Variants in PRRG1 observed in about 807,000 individuals in gnomAD.
The protein encoded by PRRG1 is proline rich and Gla domain 1, also known as transmembrane gamma-carboxyglutamic acid protein 1.
A neutral mutation model predicts 11.8 loss-of-function variants in PRRG1; 5 were observed. That is an observed-to-expected ratio of 0.42 (90% CI 0.22 to 0.89). The LOEUF is 0.89. Among genes scored for constraint, PRRG1 ranks in the 40% least tolerant of loss-of-function variants. The pLI, the probability that PRRG1 is intolerant of heterozygous loss-of-function variation, is 0.28. For synonymous variants in PRRG1, 66 were observed against 60.4 expected, an observed-to-expected ratio of 1.09 and a Z score of -0.43; for missense variants, 155 against 166.1, an observed-to-expected ratio of 0.93 and a Z score of 0.37.
intron 1 of PRRG1, among the ~76,000 whole-genome samples, chrX:37,392,069 C>A (rs1309446707): frequency 1.8e-5 from 2 of 110,291 alleles, no homozygotes; most frequent in African/African-American, 6.6e-5. Flanking sequence ...TAATGGCTGG[C>A]TGCCAGTTTT....
intron 2 of PRRG1, among the ~76,000 whole-genome samples, chrX:37,421,797 C>T (rs1932667364): frequency 8.9e-6 from 1 of 112,162 alleles, no homozygotes; most frequent in Non-Finnish European, 1.9e-5. Context: ...CTTTGATGAG[C>T]ACTGGCAAAT....
In PRRG1 at chrX:37,412,791, C is replaced by T. The variant is rs191158575; in HGVS notation, c.10+6532C>T. On this transcript the variant is annotated intron_variant, in intron 2 of 3. Coordinates refer to ENST00000378628, the MANE Select transcript of PRRG1 (RefSeq NM_001142395.2). ...TTGATGCAATCCTCTCTGCCATTTA[C>T]TTATTAAAGAAGAAAATAACCTTTG... 3.2e-4 allele frequency among the ~76,000 whole-genome samples: 35 copies of T among 110,637 alleles called. No homozygotes were observed. The East Asian group carries it at 8.7e-3, about 28-fold the overall frequency.
intron 1 of PRRG1, among the ~76,000 whole-genome samples, chrX:37,389,310 A>G (rs1235985187): frequency 1.8e-5 from 2 of 111,994 alleles, no homozygotes; most frequent in Non-Finnish European, 3.8e-5. Flanking sequence ...ATTTTTAGGT[A>G]TCTTTATAGC....
chrX:37,380,442 T>C (rs1556373513), intron 1 of PRRG1, among the ~76,000 whole-genome samples: 1 of 111,791 alleles, frequency 8.9e-6, no homozygotes, highest in African/African-American at 3.2e-5. Flanking sequence ...AATGTGGTAC[T>C]ACAGGTTATA....
At chrX:37,368,404 C>A (rs1201244422) in intron 1 of PRRG1, among the ~76,000 whole-genome samples, 2 of 111,372 alleles carry the variant, frequency 1.8e-5, no homozygotes, top group Non-Finnish European at 3.8e-5. Context: ...ATTGAATTGA[C>A]CCTTTTATCA....
intron 1 of PRRG1, among the ~76,000 whole-genome samples, chrX:37,369,534 TA>T (rs1556370275): frequency 8.9e-6 from 1 of 112,106 alleles, no homozygotes; most frequent in African/African-American, 3.2e-5. Context: ...ACATTGTTAT[TA>T]ACTACAGTCA....
chrX:37,397,977 A>AACACACACACACAC (rs782125904), intron 1 of PRRG1, among the ~76,000 whole-genome samples: 8 of 84,004 alleles, frequency 9.5e-5, no homozygotes, highest in Non-Finnish European at 1.1e-4. Flanking sequence ...TATAAAAACT[A>AACACACACACACAC]ACACACACAC....
intron 2 of PRRG1, among the ~76,000 whole-genome samples, chrX:37,415,266 G>A (rs189756374): frequency 1.5e-3 from 162 of 111,144 alleles, no homozygotes; most frequent in African/African-American, 4.7e-3. Context: ...AAAATTACCC[G>A]CGCACGGTGG....
intron 2 of PRRG1, among the ~76,000 whole-genome samples, chrX:37,418,089 G>A (rs781817452): frequency 2.7e-5 from 3 of 112,270 alleles, no homozygotes; most frequent in African/African-American, 6.5e-5. Flanking sequence ...TAGGAAACAC[G>A]TTCAGATAAA....
At chrX:37,407,366 G>A (rs1042711100) in intron 2 of PRRG1, among the ~76,000 whole-genome samples, 2 of 112,160 alleles carry the variant, frequency 1.8e-5, no homozygotes. Flanking sequence ...TGTCTCCCAA[G>A]GCTTAAAGTG....
At chrX:37,376,251 G>A (rs2046932190) in intron 1 of PRRG1, among the ~76,000 whole-genome samples, 1 of 107,901 alleles carries the variant, frequency 9.3e-6, no homozygotes, top group African/African-American at 3.4e-5. Context: ...GGACTACATC[G>A]ATTTTTTTTT....
chrX:37,441,287 C>G (rs956474273), intron 3 of PRRG1: 1 of 759,194 alleles, frequency 1.3e-6, no homozygotes, highest in African/African-American at 2.3e-5. Flanking sequence ...AGAAATGTTA[C>G]TGCAAAACTA....
intron 1 of PRRG1, among the ~76,000 whole-genome samples, chrX:37,382,114 G>C (rs1931170045): frequency 9.0e-6 from 1 of 111,476 alleles, no homozygotes; most frequent in South Asian, 3.7e-4. Flanking sequence ...GTATTGCCTG[G>C]TCGGAATCAA....
rs183196297 is a variant in PRRG1, at chrX:37,372,777, T to C, written c.-42+23382T>C. Among the ~76,000 whole-genome samples, 73 of 113,060 alleles carry C rather than the reference T, an allele frequency of 6.5e-4. 1 individual carries two copies. The East Asian group carries it at 0.019, about 30-fold the overall frequency. ...ATTCTGTTTATTGTTCCCTTGGCTG[T>C]CCAGAAACTTTTTAGTTTGATGAAA... On this transcript the variant is annotated intron_variant, in intron 1 of 3. Transcript: ENST00000378628.
chrX:37,424,545 C>A (rs1460967323), intron 2 of PRRG1, among the ~76,000 whole-genome samples: 1 of 110,820 alleles, frequency 9.0e-6, no homozygotes, highest in African/African-American at 3.3e-5. Flanking sequence ...TTTTAAAGTT[C>A]TAATGATATT....
intron 1 of PRRG1, among the ~76,000 whole-genome samples, chrX:37,376,915 GA>G (rs782097788): frequency 2.7e-5 from 3 of 109,353 alleles, no homozygotes; most frequent in African/African-American, 9.9e-5. Context: ...ACCTAGTTAG[GA>G]CTTTTTTGAG....
chrX:37,434,313 T>C (rs1197398790), intron 3 of PRRG1, among the ~76,000 whole-genome samples: 3 of 111,897 alleles, frequency 2.7e-5, no homozygotes, highest in Admixed American at 9.5e-5. Flanking sequence ...AGAAAATGGG[T>C]CAGATTTATT....
Position 37,417,171 on chromosome X carries a change from C to A in PRRG1, c.11-8669C>A, listed in dbSNP as rs926985352. Among the ~76,000 whole-genome samples, 3 of 111,228 alleles carry A rather than the reference C, an allele frequency of 2.7e-5. No individual in the cohort carries two copies. In the East Asian group the frequency reaches 8.4e-4, roughly 31 times the overall value. On this transcript the variant is annotated intron_variant, in intron 2 of 3. Transcript: ENST00000378628. ...ATTTCATTGTATGCCTCTGGTACTACAGATTTGTTTAAGTTTTAGGTAATG... is the reference window on the plus strand; with the variant it reads ...ATTTCATTGTATGCCTCTGGTACTAAAGATTTGTTTAAGTTTTAGGTAATG...
intron 2 of PRRG1, among the ~76,000 whole-genome samples, chrX:37,417,108 A>G (rs1556385415): frequency 9.0e-6 from 1 of 111,332 alleles, no homozygotes; most frequent in East Asian, 2.8e-4. Context: ...CTGGCATATT[A>G]TCCACACTTT....
Sources: allele counts gnomAD v4.1 joint callset (sites outside exome capture counted in the v4.1 genomes callset), GRCh38; gene constraint gnomAD v4.1.1; transcripts MANE v1.5; gene names NCBI Gene and HGNC (gene_info 2026-07-23, HGNC 2026-07-21).